The following EPHA5 variants were observed in gnomAD, a reference collection of about 807,000 sequenced individuals.
The protein encoded by EPHA5 is EPH receptor A5, also known as ephrin type-A receptor 5.
In EPHA5, 60 loss-of-function variants were observed where a neutral mutation model predicts 105.0. That is an observed-to-expected ratio of 0.57 (90% CI 0.46 to 0.71). The LOEUF (loss-of-function observed/expected upper bound fraction) is 0.71. Among genes scored for constraint, EPHA5 ranks in the 30% least tolerant of loss-of-function variants. EPHA5 has a pLI of 0.00. For synonymous variants in EPHA5, 513 were observed against 449.1 expected (o/e 1.14, Z -1.80); for missense variants, 1,218 against 1,274.7 (o/e 0.96, Z 0.68).
intron 5 of EPHA5, among the ~76,000 whole-genome samples, chr4:65,442,317 A>G (rs1041027220): frequency 2.6e-5 from 4 of 152,184 alleles, no homozygotes; most frequent in African/African-American, 9.6e-5. Flanking sequence ...ACATGTATGC[A>G]CCAAGGAAAA....
At chr4:65,388,019 C>T (rs530543951) in intron 8 of EPHA5, among the ~76,000 whole-genome samples, 11 of 133,006 alleles carry the variant, frequency 8.3e-5, no homozygotes, top group Non-Finnish European at 1.6e-4. Context: ...TTCCTGTGTC[C>T]ATGTGTTCTC....
At chr4:65,575,221 AC>A (rs1396579743) in intron 3 of EPHA5, among the ~76,000 whole-genome samples, 2 of 152,106 alleles carry the variant, frequency 1.3e-5, no homozygotes, top group Non-Finnish European at 2.9e-5. Context: ...CTGAAAGTTG[AC>A]AGACCACATT....
At chr4:65,340,487 A>G (rs368486982) in intron 14 of EPHA5, among the ~76,000 whole-genome samples, 35 of 152,170 alleles carry the variant, frequency 2.3e-4, no homozygotes, top group East Asian at 1.2e-3. Context: ...GGGCAGGGAG[A>G]AATATGTGTG....
chr4:65,651,376 G>A (rs879386452), intron 1 of EPHA5, among the ~76,000 whole-genome samples: 56 of 152,146 alleles, frequency 3.7e-4, no homozygotes, highest in Non-Finnish European at 7.4e-4. Context: ...TATTTGAAGA[G>A]GAAGACATAC....
At chr4:65,508,049 A>C (rs1355294431) in intron 3 of EPHA5, among the ~76,000 whole-genome samples, 1 of 152,076 alleles carries the variant, frequency 6.6e-6, no homozygotes, top group Non-Finnish European at 1.5e-5. Context: ...TATGAACTAA[A>C]TACTCATGAA....
chr4:65,426,675 G>T (rs1029895576), intron 5 of EPHA5, among the ~76,000 whole-genome samples: 2 of 152,156 alleles, frequency 1.3e-5, no homozygotes, highest in South Asian at 4.2e-4. Context: ...ATAGCACATG[G>T]TCCTACTTTA....
chr4:65,443,955 G>A (rs896616062), intron 5 of EPHA5, among the ~76,000 whole-genome samples: 2 of 151,936 alleles, frequency 1.3e-5, no homozygotes, highest in East Asian at 1.9e-4. Context: ...GCGCACATGC[G>A]CACTGGGGGT....
At chr4:65,483,324 T>G (rs1730569212) in intron 5 of EPHA5, among the ~76,000 whole-genome samples, 1 of 152,236 alleles carries the variant, frequency 6.6e-6, no homozygotes, top group Non-Finnish European at 1.5e-5. Context: ...TAAACATACG[T>G]GTGCATGTGT....
chr4:65,607,058 AT>A (rs767367587), intron 2 of EPHA5, among the ~76,000 whole-genome samples: 1 of 152,148 alleles, frequency 6.6e-6, no homozygotes, highest in Non-Finnish European at 1.5e-5. Context: ...AATTTAAAAT[AT>A]TTTTATATAT....
At chr4:65,640,411 G>A (rs7678737) in intron 2 of EPHA5, among the ~76,000 whole-genome samples, 87,594 of 150,598 alleles carry the variant, frequency 0.58, 25,522 homozygotes, top group Middle Eastern at 0.69. Context: ...TCAGCCTCCC[G>A]AGTAGCTGGG....
At chr4:65,436,166 GA>G (rs1357130007) in intron 5 of EPHA5, among the ~76,000 whole-genome samples, 3 of 151,904 alleles carry the variant, frequency 2.0e-5, no homozygotes, top group Admixed American at 1.3e-4. Flanking sequence ...GGTCAGTTTG[GA>G]CATATTCATC....
At chr4:65,664,751 C>T (rs183194394) in intron 1 of EPHA5, among the ~76,000 whole-genome samples, 38 of 151,998 alleles carry the variant, frequency 2.5e-4, no homozygotes, top group African/African-American at 8.2e-4. Context: ...AAGAATCATT[C>T]TGAGCTTCTA....
chr4:65,382,260 T>C (rs1301874265), intron 8 of EPHA5, among the ~76,000 whole-genome samples: 1 of 151,692 alleles, frequency 6.6e-6, no homozygotes, highest in Non-Finnish European at 1.5e-5. Context: ...AAACTTGAGG[T>C]GAGACATATT....
Position 65,365,070 on chromosome 4 carries a change from A to G in EPHA5, c.2120T>C (p.Met707Thr). ...GATGTTAGGATGATCAAACTGTCCC[A>G]TGATACTTGCTTCACCTAGGAAATC... ...RRDFLGEASI[M>T]GQFDHPNIIH... is the part of the protein sequence containing the mutation. Residue 707 changes from methionine (M) to threonine (T), a missense_variant, in exon 11 of 17, where the codon ATG (methionine) becomes ACG (threonine). Transcript: ENST00000613740. 1 of 1,611,864 alleles carries G rather than the reference A, an allele frequency of 6.2e-7. No homozygotes were observed. Among genetic ancestry groups the G allele is most frequent in the Non-Finnish European group, 8.5e-7 (1 of 1,178,466 alleles).
At chr4:65,564,910 T>C (rs1335023402) in intron 3 of EPHA5, among the ~76,000 whole-genome samples, 1 of 151,748 alleles carries the variant, frequency 6.6e-6, no homozygotes, top group African/African-American at 2.4e-5. Flanking sequence ...TCAAAATACT[T>C]TCACTGTTAA....
intron 13 of EPHA5, among the ~76,000 whole-genome samples, chr4:65,348,964 C>T (rs555461708): frequency 2.7e-4 from 41 of 150,188 alleles, no homozygotes; most frequent in Non-Finnish European, 4.3e-4. Flanking sequence ...TACAGATGTG[C>T]GCTATCATGC....
intron 5 of EPHA5, among the ~76,000 whole-genome samples, chr4:65,476,366 A>G (rs1729821154): frequency 6.8e-6 from 1 of 147,744 alleles, no homozygotes; most frequent in Non-Finnish European, 1.5e-5. Context: ...ATCCTTTGTC[A>G]TGATTTTAGT....
At position 65,613,914 on chromosome 4, in the gene EPHA5, T is replaced by C. The variant is rs184362814; in HGVS notation, c.247-11610A>G. 1.1e-4 allele frequency among the ~76,000 whole-genome samples: 17 copies of C among 152,120 alleles called. No homozygotes were observed. In the East Asian group the frequency reaches 2.5e-3, roughly 22 times the overall value. On this transcript the variant is annotated intron_variant, in intron 2 of 16. Transcript: ENST00000613740. ...ATAGGGATTGACTATCTGAAGACAG[T>C]GATTGATCAACATTTACAGAATTTT... is the stretch of plus-strand genomic sequence containing the variant.
At chr4:65,520,222 C>T (rs139318577) in intron 3 of EPHA5, among the ~76,000 whole-genome samples, 1,635 of 152,118 alleles carry the variant, frequency 0.011, 31 homozygotes, top group African/African-American at 0.037. Context: ...GAAATAATAC[C>T]ACACATCTAC....
Sources: allele counts gnomAD v4.1 joint callset (sites outside exome capture counted in the v4.1 genomes callset), GRCh38; gene constraint gnomAD v4.1.1; transcripts MANE v1.5; gene names NCBI Gene and HGNC (gene_info 2026-07-23, HGNC 2026-07-21).